Variants in ZSWIM5 observed in about 807,000 individuals in gnomAD.
The protein encoded by ZSWIM5 is zinc finger SWIM-type containing 5.
Under a neutral mutation model 119.6 loss-of-function variants are expected in ZSWIM5, and 55 were observed. The ratio of observed to expected loss-of-function variants is 0.46; its 90% CI spans 0.37 to 0.58. ZSWIM5 has a LOEUF of 0.58. Ranked by LOEUF, ZSWIM5 falls within the 20% of genes least tolerant of loss-of-function variation. The pLI is 0.00. For missense variants in ZSWIM5, 1,193 were observed against 1,512.8 expected (o/e 0.79, Z 3.51); for synonymous variants, 537 against 606.9 (o/e 0.88, Z 1.69).
chr1:45,077,437 G>A (rs548197021), intron 2 of ZSWIM5, among the ~76,000 whole-genome samples: 12 of 152,158 alleles, frequency 7.9e-5, no homozygotes, highest in Non-Finnish European at 1.6e-4. Context: ...ATTTTCAAAC[G>A]GGGAGGGAGT....
intron 1 of ZSWIM5, among the ~76,000 whole-genome samples, chr1:45,096,803 G>A (rs191242363): frequency 5.9e-5 from 9 of 152,150 alleles, no homozygotes; most frequent in African/African-American, 2.4e-5. Context: ...AAATTGTACC[G>A]CAGCTGCTTC....
At chr1:45,063,745 C>T (rs1234314689) in intron 2 of ZSWIM5, among the ~76,000 whole-genome samples, 1 of 152,126 alleles carries the variant, frequency 6.6e-6, no homozygotes, top group East Asian at 1.9e-4. Flanking sequence ...GTAATCCCAG[C>T]ACTTTGGGAG....
chr1:45,183,134 G>C (rs1034576163), intron 1 of ZSWIM5, among the ~76,000 whole-genome samples: 4 of 151,994 alleles, frequency 2.6e-5, no homozygotes, highest in African/African-American at 9.7e-5. Flanking sequence ...TGAACAACCT[G>C]CTCCTGAATG....
rs190660611 is a variant in ZSWIM5 at position 45,034,177 on chromosome 1, C to G, written c.2449+135G>C. The G allele has an allele frequency of 5.5e-3, 6,082 of 1,113,794 alleles. 26 individuals are homozygous for G. Among genetic ancestry groups the G allele is most frequent in the Non-Finnish European group, 5.7e-3 (4,605 of 810,962 alleles). 69.0% of individuals were successfully genotyped at this position (1,113,794 alleles called of 1,614,324 possible). A position where few individuals can be genotyped will look rare whatever the true frequency, so the allele number is the denominator to read the frequency against. On this transcript the variant is annotated intron_variant, in intron 11 of 13. Coordinates refer to ENST00000359600, the MANE Select transcript of ZSWIM5 (RefSeq NM_020883.2). ...AGGTGCTCTTTCTAATGGCAGCAATCAAAGTGAGGACCACTATCACTCTAA... is the reference window on the plus strand; with the variant it reads ...AGGTGCTCTTTCTAATGGCAGCAATGAAAGTGAGGACCACTATCACTCTAA...
At chr1:45,079,311 C>T (rs1645274760) in intron 2 of ZSWIM5, among the ~76,000 whole-genome samples, 1 of 152,204 alleles carries the variant, frequency 6.6e-6, no homozygotes, top group Non-Finnish European at 1.5e-5. Context: ...TTGTTGCTTA[C>T]ACAAAGCCTG....
intron 1 of ZSWIM5, among the ~76,000 whole-genome samples, chr1:45,131,682 G>A (rs1038617762): frequency 1.4e-5 from 2 of 143,028 alleles, no homozygotes; most frequent in African/African-American, 5.3e-5. Context: ...CCAAGACTGG[G>A]CCACTGAACT....
intron 4 of ZSWIM5, among the ~76,000 whole-genome samples, chr1:45,055,542 T>C (rs1217181263): frequency 6.6e-6 from 1 of 152,218 alleles, no homozygotes; most frequent in Non-Finnish European, 1.5e-5. Flanking sequence ...AACTTTGAGA[T>C]GTTTCTTAGA....
chr1:45,033,868 T>C (rs1391555621), intron 11 of ZSWIM5, among the ~76,000 whole-genome samples: 3 of 144,742 alleles, frequency 2.1e-5, no homozygotes. Flanking sequence ...ATCCAGGTGC[T>C]TTTTTTTTTT....
At position 45,167,235 on chromosome 1, in the gene ZSWIM5, T is replaced by C. The variant is rs536727519; in HGVS notation, c.595+38521A>G. ...CAAGCAATGGGGAAAGGATTCCCTA[T>C]TTAATAAACGGTGCTGGGAAAACTG... On this transcript the variant is annotated intron_variant, in intron 1 of 13. Transcript: ENST00000359600. 1.8e-4 allele frequency among the ~76,000 whole-genome samples: 28 copies of C among 152,018 alleles called. No individual in the cohort carries two copies. In the East Asian group the frequency reaches 5.2e-3, roughly 28 times the overall value.
intron 2 of ZSWIM5, among the ~76,000 whole-genome samples, chr1:45,069,800 A>T (rs1645210722): frequency 6.6e-6 from 1 of 152,256 alleles, no homozygotes; most frequent in South Asian, 2.1e-4. Context: ...TGTCTCTTTA[A>T]TACCAAGAAT....
intron 11 of ZSWIM5, among the ~76,000 whole-genome samples, chr1:45,032,699 A>G (rs1201517531): frequency 7.0e-6 from 1 of 143,744 alleles, no homozygotes; most frequent in African/African-American, 2.6e-5. Context: ...GTTGGCCAGG[A>G]TGTTCTCAAA....
chr1:45,030,405 C>T (rs1014442783), intron 11 of ZSWIM5, among the ~76,000 whole-genome samples: 15 of 152,024 alleles, frequency 9.9e-5, no homozygotes, highest in Admixed American at 5.2e-4. Flanking sequence ...TGCCACCATG[C>T]CCGGCTAATT....
At chr1:45,028,081 C>T (rs1390076179) in intron 11 of ZSWIM5, among the ~76,000 whole-genome samples, 3 of 151,970 alleles carry the variant, frequency 2.0e-5, no homozygotes, top group Non-Finnish European at 4.4e-5. Context: ...GAACTCCTGA[C>T]CTCAGGTGAT....
intron 2 of ZSWIM5, among the ~76,000 whole-genome samples, chr1:45,073,026 A>G (rs914283735): frequency 3.3e-5 from 5 of 151,866 alleles, no homozygotes; most frequent in African/African-American, 1.2e-4. Context: ...TGAATATTTT[A>G]ACAATATTGA....
At chr1:45,177,127 C>T (rs568482096) in intron 1 of ZSWIM5, among the ~76,000 whole-genome samples, 1 of 152,056 alleles carries the variant, frequency 6.6e-6, no homozygotes, top group African/African-American at 2.4e-5. Context: ...TGTATGACAC[C>T]TCATAATTAG....
intron 5 of ZSWIM5, among the ~76,000 whole-genome samples, chr1:45,046,179 G>T (rs1570020507): frequency 6.6e-6 from 1 of 152,116 alleles, no homozygotes; most frequent in South Asian, 2.1e-4. Context: ...GAAGAGCTTT[G>T]AGCTGTGAAG....
intron 1 of ZSWIM5, among the ~76,000 whole-genome samples, chr1:45,104,975 C>T (rs1645461148): frequency 6.6e-6 from 1 of 152,218 alleles, no homozygotes; most frequent in Admixed American, 6.5e-5. Context: ...TTCACTTGTG[C>T]CCCTACAAGG....
rs72684452 is a variant in ZSWIM5 at position 45,089,042 on chromosome 1, C to T, written c.596-805G>A. On this transcript the variant is annotated intron_variant, in intron 1 of 13. Coordinates refer to ENST00000359600, the MANE Select transcript of ZSWIM5 (RefSeq NM_020883.2). The stretch of plus-strand genomic sequence containing the variant: ...TGGTGCAATCTTGGCTCACTTCGGC[C>T]TCTGTCTCCTGGGCTCAAGTGATCC... Among the ~76,000 whole-genome samples, 1,478 of 152,218 alleles carry T rather than the reference C, an allele frequency of 9.7e-3. 17 individuals are homozygous for T. The highest frequency in any genetic ancestry group is 0.013 in the Non-Finnish European group (887 of 68,004).
intron 1 of ZSWIM5, among the ~76,000 whole-genome samples, chr1:45,203,970 T>C (rs1040721655): frequency 6.6e-6 from 1 of 152,116 alleles, no homozygotes; most frequent in African/African-American, 2.4e-5. Flanking sequence ...TTTGTTTATA[T>C]GTGTCTTCTG....
Sources: gnomAD v4.1 joint callset for allele counts (sites outside exome capture counted in the v4.1 genomes callset) on GRCh38, gnomAD v4.1.1 for gene constraint, MANE v1.5 for transcripts, NCBI Gene and HGNC (gene_info 2026-07-23, HGNC 2026-07-21) for gene names.